The following ENTPD1 variants were observed in gnomAD, a reference collection of about 807,000 sequenced individuals.
ENTPD1 encodes ectonucleoside triphosphate diphosphohydrolase 1.
A neutral mutation model predicts 57.0 loss-of-function variants in ENTPD1; 33 were observed. The ratio of observed to expected loss-of-function variants is 0.58; its 90% CI spans 0.44 to 0.77. ENTPD1 has a LOEUF of 0.77. Among genes scored for constraint, ENTPD1 ranks in the 30% least tolerant of loss-of-function variants. The pLI, the probability that ENTPD1 is intolerant of heterozygous loss-of-function variation, is 0.00. For missense variants in ENTPD1, 501 were observed against 603.4 expected, an observed-to-expected ratio of 0.83 and a Z score of 1.78; for synonymous variants, 202 against 218.8, an observed-to-expected ratio of 0.92 and a Z score of 0.68.
chr10:95,747,967 A>G (rs7090916), intron 1 of ENTPD1, among the ~76,000 whole-genome samples: 125,940 of 151,850 alleles, frequency 0.83, 52,840 homozygotes, highest in African/African-American at 0.92. Context: ...TGCCTCCTGG[A>G]TTCACACCAT....
At chr10:95,726,767 T>C (rs189634156) in intron 1 of ENTPD1, among the ~76,000 whole-genome samples, 3 of 152,320 alleles carry the variant, frequency 2.0e-5, no homozygotes, top group African/African-American at 7.2e-5. Context: ...GGGGGGTTTA[T>C]CTCTGAGAGG....
Position 95,815,659 on chromosome 10 carries a change from A to G in ENTPD1, c.17-7578A>G, listed in dbSNP as rs1209972738. Among the ~76,000 whole-genome samples, 5 of 152,234 alleles carry G rather than the reference A, an allele frequency of 3.3e-5. No individual in the cohort carries two copies. In the East Asian group the frequency reaches 9.6e-4, roughly 29 times the overall value. On this transcript the variant is annotated intron_variant, in intron 1 of 9. Coordinates refer to ENST00000371205, the MANE Select transcript of ENTPD1 (RefSeq NM_001776.6). ...CCCGTGTTTAATTCCTGGCCCTGTTACCGGTGGCAGCTATCTGAGTTACTG... is the reference window on the plus strand; with the variant it reads ...CCCGTGTTTAATTCCTGGCCCTGTTGCCGGTGGCAGCTATCTGAGTTACTG...
At chr10:95,710,216 C>T (rs1482487236), upstream of ENTPD1, among the ~76,000 whole-genome samples, 1 of 151,928 alleles carries the variant, frequency 6.6e-6, no homozygotes, top group Non-Finnish European at 1.5e-5. Context: ...ACTAGCTTGG[C>T]CAATATGGTG....
At chr10:95,828,953 T>C (rs4336964) in intron 2 of ENTPD1, among the ~76,000 whole-genome samples, 81,959 of 151,916 alleles carry the variant, frequency 0.54, 22,550 homozygotes, top group Admixed American at 0.63. Context: ...TCAGTTGATC[T>C]GCCCGCCTCG....
chr10:95,860,402 C>G lies in ENTPD1; in HGVS notation c.1075-67C>G, dbSNP rs928063689. ...CAGGCACCTGCACAAGGGATGCGGCCTTTAGGAGAGCAAGTTGGCATCCCT... is the reference window on the plus strand; with the variant it reads ...CAGGCACCTGCACAAGGGATGCGGCGTTTAGGAGAGCAAGTTGGCATCCCT... On this transcript the variant is annotated intron_variant, in intron 7 of 9. Coordinates refer to ENST00000371205, the MANE Select transcript of ENTPD1 (RefSeq NM_001776.6). 5.9e-6 allele frequency: 8 copies of G among 1,352,422 alleles called. No homozygotes were observed. In the South Asian group the frequency reaches 9.8e-5, roughly 17 times the overall value. 83.8% of individuals were successfully genotyped at this position (1,352,422 alleles called of 1,614,324 possible).
chr10:95,776,246 C>T (rs56272978), intron 1 of ENTPD1, among the ~76,000 whole-genome samples: 2,249 of 152,260 alleles, frequency 0.015, 53 homozygotes, highest in African/African-American at 0.051. Context: ...ACAGTCTTTA[C>T]GATTTGGCAT....
intron 1 of ENTPD1, among the ~76,000 whole-genome samples, chr10:95,744,455 G>C (rs890061840): frequency 6.6e-6 from 1 of 151,946 alleles, no homozygotes; most frequent in African/African-American, 2.4e-5. Flanking sequence ...GACCAACATG[G>C]TGAAACCCCA....
intron 7 of ENTPD1, among the ~76,000 whole-genome samples, chr10:95,856,142 A>T (rs934331606): frequency 2.6e-5 from 4 of 152,128 alleles, no homozygotes; most frequent in African/African-American, 7.2e-5. Context: ...GTTTCTCTTT[A>T]TTCTTTTTTC....
intron 1 of ENTPD1, among the ~76,000 whole-genome samples, chr10:95,821,617 G>T (rs1335143786): frequency 6.6e-6 from 1 of 152,212 alleles, no homozygotes; most frequent in African/African-American, 2.4e-5. Context: ...GAAGGGAGAA[G>T]CAGGGAAGTG....
chr10:95,783,021 GTGTGTGTGTGTGTT>G (rs2098164062), intron 1 of ENTPD1, among the ~76,000 whole-genome samples: 1 of 151,932 alleles, frequency 6.6e-6, no homozygotes, highest in African/African-American at 2.4e-5. Flanking sequence ...AATGGAAGCG[GTGTGTGTGTGTGTT>G]TGTGTGTGTG....
upstream of ENTPD1, chr10:95,754,318 A>G (rs1488933726): frequency 2.0e-5 from 3 of 151,670 alleles, no homozygotes; most frequent in Non-Finnish European, 2.9e-5. Flanking sequence ...TCAAAAAAAA[A>G]AAAAAAAAAA....
chr10:95,818,735 GGTAGCAGGGGT>G (rs1412970807), intron 1 of ENTPD1, among the ~76,000 whole-genome samples: 1 of 152,180 alleles, frequency 6.6e-6, no homozygotes, highest in Non-Finnish European at 1.5e-5. Context: ...GAAGAAGGAA[GGTAGCAGGGGT>G]GGTGTGGAGA....
intron 1 of ENTPD1, among the ~76,000 whole-genome samples, chr10:95,746,840 G>A (rs1176395748): frequency 6.6e-6 from 1 of 152,184 alleles, no homozygotes; most frequent in Non-Finnish European, 1.5e-5. Flanking sequence ...AATTTAATCA[G>A]CATTCCTCTT....
chr10:95,803,716 A>G (rs940763554), intron 1 of ENTPD1, among the ~76,000 whole-genome samples: 1 of 152,016 alleles, frequency 6.6e-6, no homozygotes, highest in African/African-American at 2.4e-5. Flanking sequence ...ATTAGATCCC[A>G]TTTGTCCATT....
At position 95,844,607 on chromosome 10, in the gene ENTPD1, T is replaced by C; in HGVS notation, c.545T>C (p.Ile182Thr). ...GAAGGTGCCTATGGCTGGATTACTA[T>C]CAACTATCTGCTGGGCAAATTCAGT... ...QEEGAYGWIT[I>T]NYLLGKFSQK... Residue 182 changes from isoleucine to threonine, a missense_variant, in exon 5 of 10, where the codon ATC becomes ACC. By Grantham distance (89) the Ile-to-Thr change is moderately conservative. Coordinates refer to ENST00000371205, the MANE Select transcript of ENTPD1 (RefSeq NM_001776.6). 1 of 1,614,118 alleles carries C rather than the reference T, an allele frequency of 6.2e-7. No homozygotes were observed. Among genetic ancestry groups the C allele is most frequent in the Non-Finnish European group, 8.5e-7 (1 of 1,180,020 alleles).
At chr10:95,755,644 T>C, upstream of ENTPD1, 1 of 1,523,234 alleles carries the variant, frequency 6.6e-7, no homozygotes, top group Non-Finnish European at 8.8e-7. Flanking sequence ...AACTCATCGC[T>C]TGGGTCACCT....
intron 1 of ENTPD1, among the ~76,000 whole-genome samples, chr10:95,807,528 C>G (rs922289419): frequency 2.0e-5 from 3 of 152,236 alleles, no homozygotes; most frequent in Non-Finnish European, 2.9e-5. Flanking sequence ...GTTGTCCAAC[C>G]AGTTCCAATG....
intron 1 of ENTPD1, among the ~76,000 whole-genome samples, chr10:95,741,688 C>T (rs552570042): frequency 2.0e-5 from 3 of 152,254 alleles, no homozygotes; most frequent in Non-Finnish European, 2.9e-5. Flanking sequence ...TAAGCAGTTC[C>T]CAGGTTGCTT....
intron 1 of ENTPD1, among the ~76,000 whole-genome samples, chr10:95,795,803 A>C (rs1389620684): frequency 1.3e-5 from 2 of 152,162 alleles, no homozygotes; most frequent in African/African-American, 4.8e-5. Context: ...TCTCAGATAC[A>C]ATGGAGAGTT....
Sources: gnomAD v4.1 joint callset for allele counts (sites outside exome capture counted in the v4.1 genomes callset) on GRCh38, gnomAD v4.1.1 for gene constraint, MANE v1.5 for transcripts, NCBI Gene and HGNC (gene_info 2026-07-23, HGNC 2026-07-21) for gene names.